The following ADGRV1 variants were observed in gnomAD, a reference collection of about 807,000 sequenced individuals.
The protein encoded by ADGRV1 is adhesion G protein-coupled receptor V1.
Under a neutral mutation model 596.2 loss-of-function variants are expected in ADGRV1, and 359 were observed. That is an observed-to-expected ratio of 0.60 (90% CI 0.55 to 0.66). ADGRV1 has a LOEUF of 0.66. ADGRV1 is among the 30% of genes least tolerant of loss of function. ADGRV1 has a pLI of 0.00. For synonymous variants in ADGRV1, 2,681 were observed against 2,679.2 expected, an observed-to-expected ratio of 1.00 and a Z score of -0.02; for missense variants, 7,274 against 7,575.6, an observed-to-expected ratio of 0.96 and a Z score of 1.48.
Position 90,867,720 on chromosome 5 carries a change from T to C in ADGRV1, c.17856+3863T>C, listed in dbSNP as rs559887907. ...TGAGATTGCCAACTCAAGAAAGTCA[T>C]TGTGTGAGTAAGGCTTGAAGACACA... On this transcript the variant is annotated intron_variant, in intron 83 of 89. Transcript: ENST00000405460. 1.1e-3 allele frequency among the ~76,000 whole-genome samples: 173 copies of C among 152,268 alleles called. 2 individuals are homozygous for C. Among genetic ancestry groups the C allele is most frequent in the African/African-American group, 4.0e-3 (166 of 41,572 alleles).
intron 83 of ADGRV1, among the ~76,000 whole-genome samples, chr5:90,961,515 T>G (rs6896106): frequency 0.74 from 82,029 of 111,044 alleles, 30,233 homozygotes; most frequent in African/African-American, 0.86. Context: ...AAAGGGGGGG[T>G]GGCGGTCATT....
intron 83 of ADGRV1, among the ~76,000 whole-genome samples, chr5:90,915,628 A>G (rs1773281359): frequency 6.6e-6 from 1 of 152,110 alleles, no homozygotes; most frequent in Non-Finnish European, 1.5e-5. Context: ...AATACACATC[A>G]AGTTCTAAAA....
intron 1 of ADGRV1, among the ~76,000 whole-genome samples, chr5:90,604,826 A>G (rs1761869047): frequency 6.6e-6 from 1 of 152,182 alleles, no homozygotes; most frequent in African/African-American, 2.4e-5. Context: ...ACTTTGACTT[A>G]TTTTATTGCT....
chr5:90,846,065 A>G (rs1459109597), intron 78 of ADGRV1, among the ~76,000 whole-genome samples: 10 of 152,248 alleles, frequency 6.6e-5, no homozygotes, highest in Non-Finnish European at 1.5e-4. Flanking sequence ...GAACTGTACT[A>G]GATTACAAAG....
intron 85 of ADGRV1, among the ~76,000 whole-genome samples, chr5:91,005,608 T>G (rs1472459874): frequency 6.6e-6 from 1 of 152,142 alleles, no homozygotes; most frequent in Non-Finnish European, 1.5e-5. Flanking sequence ...CTCTCCTACT[T>G]TATTATCCAC....
chr5:90,918,829 T>G (rs561955991), intron 83 of ADGRV1, among the ~76,000 whole-genome samples: 1 of 152,208 alleles, frequency 6.6e-6, no homozygotes, highest in Non-Finnish European at 1.5e-5. Flanking sequence ...TACCTCTTAG[T>G]GGAAGAAATT....
chr5:90,937,447 T>C (rs1775788209), intron 83 of ADGRV1, among the ~76,000 whole-genome samples: 1 of 140,954 alleles, frequency 7.1e-6, no homozygotes, highest in South Asian at 2.2e-4. Context: ...TTAATTGCAG[T>C]AACTGTATTT....
chr5:91,113,404 C>T (rs1792554703), intron 87 of ADGRV1, among the ~76,000 whole-genome samples: 1 of 152,136 alleles, frequency 6.6e-6, no homozygotes, highest in Non-Finnish European at 1.5e-5. Flanking sequence ...AGGATAAGTT[C>T]AAATTTTTCC....
At chr5:90,619,977 C>T (rs948585310) in intron 4 of ADGRV1, among the ~76,000 whole-genome samples, 28 of 152,200 alleles carry the variant, frequency 1.8e-4, no homozygotes, top group African/African-American at 6.5e-4. Flanking sequence ...TATTGTGCCA[C>T]ATTTTCTTAA....
At chr5:90,644,110 G>A (rs900170508) in intron 14 of ADGRV1, 127 bp downstream of exon 14, 8 of 660,608 alleles carry the variant, frequency 1.2e-5, no homozygotes, top group African/African-American at 1.8e-5. Flanking sequence ...CACATAGTGC[G>A]GAAGTTTTTT....
At chr5:90,664,528 T>G (rs979008576) in intron 21 of ADGRV1, among the ~76,000 whole-genome samples, 126 of 140,342 alleles carry the variant, frequency 9.0e-4, no homozygotes, top group Non-Finnish European at 1.4e-3. Flanking sequence ...GACAGTGGGG[T>G]TTTCTAGATA....
chr5:91,095,423 CTT>C (rs1358023468), intron 86 of ADGRV1, among the ~76,000 whole-genome samples: 1 of 152,146 alleles, frequency 6.6e-6, no homozygotes, highest in Non-Finnish European at 1.5e-5. Context: ...TGACCCCAGT[CTT>C]TAACTTTGTT....
chr5:90,823,381 G>T (rs73179321), intron 75 of ADGRV1, 44 bp from the exon 76 acceptor site: 17 of 1,590,438 alleles, frequency 1.1e-5, no homozygotes, highest in Admixed American at 1.7e-5. Context: ...TAGACATGGG[G>T]ATGACACCCT....
intron 88 of ADGRV1, 116 bp from the exon 89 acceptor site, chr5:91,153,105 C>A: frequency 1.3e-6 from 1 of 746,990 alleles, no homozygotes; most frequent in Non-Finnish European, 2.1e-6. Context: ...ATGCCACTGC[C>A]GTTTAGCAAG....
At chr5:91,054,635 C>T (rs1042815182) in intron 85 of ADGRV1, among the ~76,000 whole-genome samples, 5 of 152,150 alleles carry the variant, frequency 3.3e-5, no homozygotes, top group African/African-American at 1.2e-4. Flanking sequence ...TTGCTATAAC[C>T]TCCCTTGTCA....
chr5:90,771,708 G>C (rs150748393), intron 59 of ADGRV1, among the ~76,000 whole-genome samples: 15 of 152,164 alleles, frequency 9.9e-5, no homozygotes, highest in African/African-American at 3.1e-4. Context: ...CCTATATATA[G>C]TACCATTTCT....
At chr5:90,969,791 G>A (rs1778789093) in intron 84 of ADGRV1, among the ~76,000 whole-genome samples, 1 of 152,234 alleles carries the variant, frequency 6.6e-6, no homozygotes, top group Non-Finnish European at 1.5e-5. Context: ...ACAGCTCCTA[G>A]CGTGAGCAAC....
chr5:90,622,115 C>A (rs972103921), intron 4 of ADGRV1, among the ~76,000 whole-genome samples: 1 of 152,174 alleles, frequency 6.6e-6, no homozygotes, highest in Admixed American at 6.5e-5. Flanking sequence ...TTGCTTTCAC[C>A]TCCTGCAGAG....
intron 59 of ADGRV1, among the ~76,000 whole-genome samples, chr5:90,766,323 TG>T (rs888079639): frequency 4.6e-5 from 7 of 152,168 alleles, no homozygotes; most frequent in African/African-American, 1.7e-4. Flanking sequence ...GCTGGATGTC[TG>T]GATATCATCC....
Sources: gnomAD v4.1 joint callset for allele counts (sites outside exome capture counted in the v4.1 genomes callset) on GRCh38, gnomAD v4.1.1 for gene constraint, MANE v1.5 for transcripts, NCBI Gene and HGNC (gene_info 2026-07-23, HGNC 2026-07-21) for gene names.